Variants in ARL14EP observed in about 807,000 individuals in gnomAD.
The protein encoded by ARL14EP is ARF like GTPase 14 effector protein.
Under a neutral mutation model 23.1 loss-of-function variants are expected in ARL14EP, and 12 were observed. The ratio of observed to expected loss-of-function variants is 0.52; its 90% confidence interval spans 0.33 to 0.84. ARL14EP has a LOEUF of 0.84. ARL14EP is among the 40% of genes least tolerant of loss of function. The pLI is 0.02. For missense variants in ARL14EP, 253 were observed against 307.3 expected (o/e 0.82, Z 1.32); for synonymous variants, 97 against 102.0 (o/e 0.95, Z 0.29).
intron 3 of ARL14EP, among the ~76,000 whole-genome samples, chr11:30,334,229 T>C (rs1302881210): frequency 2.1e-5 from 3 of 144,866 alleles, no homozygotes; most frequent in African/African-American, 7.7e-5. Context: ...TTTTTTTTTT[T>C]TTTTGAGATG....
At position 30,336,711 on chromosome 11, in the gene ARL14EP, T is replaced by C; in HGVS notation, c.699T>C (p.Ala233=). The C allele has an allele frequency of 6.2e-7, 1 of 1,614,158 alleles. No individual in the cohort carries two copies. The highest frequency in any genetic ancestry group is 8.5e-7 in the Non-Finnish European group (1 of 1,180,032). Residue 233 remains alanine (A), a synonymous_variant, in exon 4 of 4, where the codon GCT becomes GCC. Transcript: ENST00000282032. ...CPACGSTKCG[A]ECRCDRKWLY... ...CCTGTGGTTCTACCAAGTGTGGAGC[T>C]GAATGCCGCTGTGACCGCAAGTGGC... is the stretch of plus-strand genomic sequence containing the variant.
At chr11:30,330,846 C>A (rs1434266367) in intron 1 of ARL14EP, 40 bp from the exon 2 acceptor site, 1 of 1,108,820 alleles carries the variant, frequency 9.0e-7, no homozygotes, top group Non-Finnish European at 1.3e-6. Context: ...CCTAGATAAA[C>A]TTGCAGCACA....
In ARL14EP at chr11:30,330,922, A is replaced by G; in HGVS notation, c.-27A>G. 6.5e-7 allele frequency: 1 copy of G among 1,534,698 alleles called. No individual in the cohort carries two copies. Among genetic ancestry groups the G allele is most frequent in the Non-Finnish European group, 8.7e-7 (1 of 1,150,282 alleles). Reference sequence around the variant, plus strand: ...CATGACCTAAACCTCCAGACAAAATAAAACGGAAAATTTGCTAGAATCAAG... The same window carrying G: ...CATGACCTAAACCTCCAGACAAAATGAAACGGAAAATTTGCTAGAATCAAG... On this transcript the variant is annotated 5_prime_UTR_variant, in exon 2 of 4. In the 5' UTR this introduces an upstream ATG that the reference lacks. Transcript: ENST00000282032.
chr11:30,332,751 G>A (rs1947295394), intron 2 of ARL14EP, 115 bp from the exon 3 acceptor site: 2 of 1,309,198 alleles, frequency 1.5e-6, no homozygotes, highest in African/African-American at 1.5e-5. Flanking sequence ...TTTCTTTTTT[G>A]TGTGTTCCAG....
chr11:30,330,125 AC>A (rs1947270558), intron 1 of ARL14EP: 1 of 152,048 alleles, frequency 6.6e-6, no homozygotes, highest in South Asian at 2.1e-4. Flanking sequence ...AGTGTGTGAT[AC>A]CCATCGATTA....
At chr11:30,326,114 T>C (rs1211215058) in intron 1 of ARL14EP, among the ~76,000 whole-genome samples, 1 of 152,198 alleles carries the variant, frequency 6.6e-6, no homozygotes, top group Non-Finnish European at 1.5e-5. Flanking sequence ...GGCAAATACA[T>C]ATCTGTGTTT....
Position 30,336,862 on chromosome 11 carries a change from AT to A in ARL14EP, c.*71del. 7.2e-7 allele frequency: 1 copy of A among 1,382,344 alleles called. No individual in the cohort carries two copies. The highest frequency in any genetic ancestry group is 1.0e-6 in the Non-Finnish European group (1 of 980,238). The allele number at this position is 1,382,344 out of a possible 1,614,324, so 85.6% of individuals were successfully genotyped here. On this transcript the variant is annotated 3_prime_UTR_variant, in exon 4 of 4. Coordinates refer to ENST00000282032, the MANE Select transcript of ARL14EP (RefSeq NM_152316.3). ...CTAAAAATCTGTTACTCTAAGATAC[AT>A]TTTAAGCTTGATTATCATATGACAA...
At chr11:30,332,817 G>T in intron 2 of ARL14EP, 49 bp from the exon 3 acceptor site, 1 of 1,600,300 alleles carries the variant, frequency 6.2e-7, no homozygotes, top group Non-Finnish European at 8.5e-7. Context: ...ATGTTAATCT[G>T]TTGTCTGTTG....
chr11:30,331,931 C>A, intron 2 of ARL14EP: 1 of 442,932 alleles, frequency 2.3e-6, no homozygotes, highest in Admixed American at 6.4e-5. Flanking sequence ...ATGGTCAAGG[C>A]TAATTTTAGG....
At position 30,332,880 on chromosome 11, in the gene ARL14EP, A is replaced by G. The variant is rs765310058; in HGVS notation, c.441A>G (p.Lys147=). Residue 147 remains lysine, a synonymous_variant, in exon 3 of 4, where the codon AAA becomes AAG. Transcript: ENST00000282032. Reference sequence around the variant, plus strand: ...CCTTTCTTCAGGGAAGAACTGCTAAAGCTTTGAGGTCATTACAATTTACGA... The same window carrying G: ...CCTTTCTTCAGGGAAGAACTGCTAAGGCTTTGAGGTCATTACAATTTACGA... The part of the protein sequence containing the change: ...RKPESDGRTA[K]ALRSLQFTNP... 5.0e-6 allele frequency: 8 copies of G among 1,613,418 alleles called. No individual in the cohort carries two copies. The highest frequency in any genetic ancestry group is 6.8e-6 in the Non-Finnish European group (8 of 1,179,528).
rs1947349086 is a variant in ARL14EP at position 30,338,147 on chromosome 11, G to A, written c.*1352G>A. On this transcript the variant is annotated 3_prime_UTR_variant, in exon 4 of 4. Transcript: ENST00000282032. ...ACTAGTTGAGTATTAAACTGTTTTG[G>A]AAATAATTTATATATCTAAGTGCTG... 1 of 152,132 alleles carries A rather than the reference G, an allele frequency of 6.6e-6. No individual in the cohort carries two copies. Among genetic ancestry groups the A allele is most frequent in the Non-Finnish European group, 1.5e-5 (1 of 68,020 alleles). 9.4% of individuals were successfully genotyped at this position (152,132 alleles called of 1,614,324 possible).
intron 2 of ARL14EP, 94 bp from the exon 3 acceptor site, chr11:30,332,772 A>G (rs529619941): frequency 7.5e-6 from 11 of 1,474,094 alleles, no homozygotes; most frequent in African/African-American, 1.4e-5. Context: ...ACTGTCTTCC[A>G]TGTTAGGGAA....
chr11:30,324,180 T>C (rs1590662936), intron 1 of ARL14EP, among the ~76,000 whole-genome samples: 1 of 152,194 alleles, frequency 6.6e-6, no homozygotes, highest in East Asian at 1.9e-4. Context: ...TAAATTATAT[T>C]TTTATTAAAT....
In ARL14EP at chr11:30,336,861, C is replaced by A; in HGVS notation, c.*66C>A. The A allele has an allele frequency of 1.4e-6, 2 of 1,383,520 alleles. No homozygotes were observed. Among genetic ancestry groups the A allele is most frequent in the Non-Finnish European group, 2.0e-6 (2 of 980,764 alleles). 85.7% of individuals were successfully genotyped at this position (1,383,520 alleles called of 1,614,324 possible). ...TCTAAAAATCTGTTACTCTAAGATA[C>A]ATTTTAAGCTTGATTATCATATGAC... On this transcript the variant is annotated 3_prime_UTR_variant, in exon 4 of 4. Transcript: ENST00000282032.
At position 30,337,421 on chromosome 11, in the gene ARL14EP, C is replaced by T. The variant is rs1232076404; in HGVS notation, c.*626C>T. The T allele has an allele frequency of 6.6e-6, 1 of 152,314 alleles. No homozygotes were observed. Among genetic ancestry groups the T allele is most frequent in the Non-Finnish European group, 1.5e-5 (1 of 68,188 alleles). The allele number at this position is 152,314 out of a possible 1,614,324, so 9.4% of individuals were successfully genotyped here. A position where few individuals can be genotyped will look rare whatever the true frequency, so the allele number is the denominator to read the frequency against. ...GTGAACACTCGAAAGAACTGGTCAA[C>T]AAAGATGAAAGTGCAGCAAAGCAAT... On this transcript the variant is annotated 3_prime_UTR_variant, in exon 4 of 4. Transcript: ENST00000282032.
intron 1 of ARL14EP, among the ~76,000 whole-genome samples, chr11:30,324,343 T>C (rs1460427408): frequency 6.6e-6 from 1 of 152,212 alleles, no homozygotes; most frequent in Non-Finnish European, 1.5e-5. Context: ...ATTTTTTGTT[T>C]TGTTAAATTT....
At position 30,336,819 on chromosome 11, in the gene ARL14EP, C is replaced by T. The variant is rs1450691601; in HGVS notation, c.*24C>T. ...AATCTGCGGTACCAAACTATGGAGC[C>T]TTTAAAGGTCTTTATTTCTAAAAAT... is the stretch of plus-strand genomic sequence containing the variant. On this transcript the variant is annotated 3_prime_UTR_variant, in exon 4 of 4. Transcript: ENST00000282032. The T allele has an allele frequency of 6.4e-7, 1 of 1,562,150 alleles. No individual in the cohort carries two copies. The highest frequency in any genetic ancestry group is 1.1e-5 in the South Asian group (1 of 89,966).
At chr11:30,323,346 T>G (rs1283453091) in intron 1 of ARL14EP, 144 bp downstream of exon 1, 1 of 152,500 alleles carries the variant, frequency 6.6e-6, no homozygotes, top group African/African-American at 2.4e-5. Context: ...GATTTCCAGC[T>G]GCTGGCCGGG....
chr11:30,335,432 A>T (rs1055020254), intron 3 of ARL14EP, among the ~76,000 whole-genome samples: 1 of 152,172 alleles, frequency 6.6e-6, no homozygotes, highest in African/African-American at 2.4e-5. Context: ...GTAAAATGCT[A>T]TCAAACACCA....
Sources: allele counts gnomAD v4.1 joint callset (sites outside exome capture counted in the v4.1 genomes callset), GRCh38; gene constraint gnomAD v4.1.1; transcripts MANE v1.5; gene names NCBI Gene and HGNC (gene_info 2026-07-23, HGNC 2026-07-21).